SPHKAP: variants seen among roughly 807,000 people sequenced by gnomAD.
SPHKAP encodes the protein A-kinase anchor protein SPHKAP.
Under a neutral mutation model 137.5 loss-of-function variants are expected in SPHKAP, and 67 were observed. The ratio of observed to expected loss-of-function variants is 0.49; its 90% CI spans 0.40 to 0.60. The LOEUF (loss-of-function observed/expected upper bound fraction) is 0.60. Ranked by LOEUF, SPHKAP falls within the 20% of genes least tolerant of loss-of-function variation. The pLI is 0.00. For missense variants in SPHKAP, 2,097 were observed against 2,069.3 expected (o/e 1.01, Z -0.26); for synonymous variants, 813 against 785.3 (o/e 1.04, Z -0.59).
chr2:228,062,164 T>A (rs1696665332), intron 3 of SPHKAP, among the ~76,000 whole-genome samples: 1 of 151,700 alleles, frequency 6.6e-6, no homozygotes, highest in Admixed American at 6.6e-5. Context: ...ACCTTTTTTT[T>A]TAATTTTTCT....
intron 1 of SPHKAP, among the ~76,000 whole-genome samples, chr2:228,180,921 C>A (rs986329092): frequency 1.3e-5 from 2 of 152,194 alleles, no homozygotes; most frequent in African/African-American, 4.8e-5. Context: ...CGTCCGTGAC[C>A]TACCCCGGTG....
At chr2:228,173,891 A>C (rs1700658837) in intron 1 of SPHKAP, among the ~76,000 whole-genome samples, 1 of 152,222 alleles carries the variant, frequency 6.6e-6, no homozygotes, top group Non-Finnish European at 1.5e-5. Flanking sequence ...TATTTCAATA[A>C]TTTGGCTCTG....
At chr2:228,093,878 A>C (rs977257454) in intron 3 of SPHKAP, among the ~76,000 whole-genome samples, 5 of 150,746 alleles carry the variant, frequency 3.3e-5, no homozygotes, top group Admixed American at 2.6e-4. Context: ...AAAAAAAAAA[A>C]AAAAAAAACA....
rs145677046 is a variant in SPHKAP at position 228,011,179 on chromosome 2, C to T, written c.4448+5227G>A. ...AGGGTAAGCTGTGGTTATAAATTCTCAAGGGGATTGTTTTCTCCTCGTATC... is the reference window on the plus strand; with the variant it reads ...AGGGTAAGCTGTGGTTATAAATTCTTAAGGGGATTGTTTTCTCCTCGTATC... On this transcript the variant is annotated intron_variant, in intron 7 of 11. Transcript: ENST00000392056. 5.9e-3 allele frequency among the ~76,000 whole-genome samples: 895 copies of T among 151,442 alleles called. 5 individuals carry two copies. Among genetic ancestry groups the T allele is most frequent in the Middle Eastern group, 0.021 (6 of 284 alleles).
intron 3 of SPHKAP, among the ~76,000 whole-genome samples, chr2:228,069,445 CTTTCT>C (rs1230370439): frequency 1.3e-4 from 11 of 81,490 alleles, no homozygotes; most frequent in Non-Finnish European, 2.0e-4. Context: ...TTCTTTCTTT[CTTTCT>C]TTTTTTTTTT....
rs1048375305 is a variant in SPHKAP at position 227,980,413 on chromosome 2, T to C, written c.*1304A>G. 2.6e-5 allele frequency: 4 copies of C among 152,190 alleles called. No individual in the cohort carries two copies. The highest frequency in any genetic ancestry group is 9.6e-5 in the African/African-American group (4 of 41,464). 9.4% of individuals were successfully genotyped at this position (152,190 alleles called of 1,614,324 possible). On this transcript the variant is annotated 3_prime_UTR_variant, in exon 12 of 12. Coordinates refer to ENST00000392056, the MANE Select transcript of SPHKAP (RefSeq NM_001142644.2). ...TCACATTTAAAATTACTTTGTGATC[T>C]TTAAAAATAGAGTAAAAGTATAGTT...
At chr2:228,146,449 T>G (rs1699777802) in intron 1 of SPHKAP, among the ~76,000 whole-genome samples, 1 of 152,222 alleles carries the variant, frequency 6.6e-6, no homozygotes, top group Admixed American at 6.5e-5. Context: ...GGTTTGGGGT[T>G]GCACGTGAAG....
At chr2:228,088,979 T>A (rs1697629004) in intron 3 of SPHKAP, among the ~76,000 whole-genome samples, 1 of 151,910 alleles carries the variant, frequency 6.6e-6, no homozygotes, top group African/African-American at 2.4e-5. Flanking sequence ...CACTAAGGAG[T>A]GGGGCATTGC....
At chr2:228,122,299 A>T (rs1471198356) in intron 2 of SPHKAP, among the ~76,000 whole-genome samples, 4 of 151,634 alleles carry the variant, frequency 2.6e-5, no homozygotes, top group African/African-American at 7.3e-5. Flanking sequence ...ATTTTTTTTT[A>T]AAAAGAAAAA....
At chr2:228,008,215 T>C (rs576372405) in intron 7 of SPHKAP, among the ~76,000 whole-genome samples, 1 of 152,118 alleles carries the variant, frequency 6.6e-6, no homozygotes, top group Non-Finnish European at 1.5e-5. Flanking sequence ...CTTTTATAGA[T>C]TGTGCCTTTG....
intron 3 of SPHKAP, among the ~76,000 whole-genome samples, chr2:228,048,288 T>C (rs1163527196): frequency 6.7e-6 from 1 of 149,632 alleles, no homozygotes; most frequent in Non-Finnish European, 1.5e-5. Flanking sequence ...AAATAAATCA[T>C]TCATTTCAAG....
intron 3 of SPHKAP, among the ~76,000 whole-genome samples, chr2:228,077,331 A>T (rs1697217715): frequency 6.6e-6 from 1 of 152,122 alleles, no homozygotes; most frequent in African/African-American, 2.4e-5. Flanking sequence ...GACAGCTTGC[A>T]CTGTGCACCT....
chr2:228,004,169 C>T (rs1277657922), intron 7 of SPHKAP, among the ~76,000 whole-genome samples: 3 of 152,104 alleles, frequency 2.0e-5, no homozygotes, highest in Non-Finnish European at 2.9e-5. Context: ...TGGTAGAATT[C>T]GGCTGTGAAT....
At chr2:228,011,170 A>G (rs895571391) in intron 7 of SPHKAP, among the ~76,000 whole-genome samples, 9 of 152,014 alleles carry the variant, frequency 5.9e-5, no homozygotes, top group Non-Finnish European at 1.0e-4. Context: ...AGCTGTGGTT[A>G]TAAATTCTCA....
chr2:228,109,146 C>T (rs1698438123), intron 2 of SPHKAP, among the ~76,000 whole-genome samples: 1 of 151,996 alleles, frequency 6.6e-6, no homozygotes, highest in Admixed American at 6.6e-5. Flanking sequence ...GAGAGAAATA[C>T]ATTAATGTTA....
intron 2 of SPHKAP, among the ~76,000 whole-genome samples, chr2:228,127,218 T>A (rs1381850225): frequency 6.6e-6 from 1 of 152,220 alleles, no homozygotes; most frequent in Non-Finnish European, 1.5e-5. Flanking sequence ...AGAACATACA[T>A]TGCATGTGCA....
chr2:228,069,457 T>C (rs972940614), intron 3 of SPHKAP, among the ~76,000 whole-genome samples: 1 of 151,184 alleles, frequency 6.6e-6, no homozygotes, highest in Admixed American at 6.6e-5. Flanking sequence ...TTCTTTTTTT[T>C]TTTTTTTAGA....
intron 3 of SPHKAP, among the ~76,000 whole-genome samples, chr2:228,055,997 T>C (rs974208243): frequency 2.0e-4 from 31 of 152,302 alleles, no homozygotes; most frequent in African/African-American, 7.5e-4. Context: ...GCGCAACAGA[T>C]CCTTGCTCCA....
At chr2:228,100,906 G>A (rs1038931813) in intron 3 of SPHKAP, among the ~76,000 whole-genome samples, 1 of 152,108 alleles carries the variant, frequency 6.6e-6, no homozygotes, top group Non-Finnish European at 1.5e-5. Context: ...TTTTGGAGTA[G>A]TTTCTGCAGG....
Sources: allele counts gnomAD v4.1 joint callset (sites outside exome capture counted in the v4.1 genomes callset), GRCh38; gene constraint gnomAD v4.1.1; transcripts MANE v1.5; gene names NCBI Gene and HGNC (gene_info 2026-07-23, HGNC 2026-07-21).